Variants in PCED1B observed in about 807,000 individuals in gnomAD.
PCED1B encodes the protein PC-esterase domain containing 1B.
For missense variants in PCED1B, 573 were observed against 573.9 expected (o/e 1.00, Z 0.02); for synonymous variants, 251 against 246.1 (o/e 1.02, Z -0.19).
At chr12:47,202,209 G>C (rs1020332944) in intron 2 of PCED1B, among the ~76,000 whole-genome samples, 1 of 152,094 alleles carries the variant, frequency 6.6e-6, no homozygotes, top group African/African-American at 2.4e-5. Flanking sequence ...ATAATAGAAG[G>C]GTTAATATTT....
intron 2 of PCED1B, among the ~76,000 whole-genome samples, chr12:47,161,158 T>G (rs1941364630): frequency 2.0e-5 from 3 of 152,200 alleles, no homozygotes; most frequent in Admixed American, 1.3e-4. Flanking sequence ...TATAAATCAC[T>G]CAGTCTCAGT....
At chr12:47,231,385 C>T (rs1345793358) in intron 3 of PCED1B, among the ~76,000 whole-genome samples, 5 of 114,518 alleles carry the variant, frequency 4.4e-5, no homozygotes, top group East Asian at 2.6e-4. Context: ...AGGGGAGTCG[C>T]TAGGAGATAA....
rs140891738 is a variant in PCED1B, at chr12:47,121,946, C to A, written c.-526+17751C>A. 5.0e-3 allele frequency among the ~76,000 whole-genome samples: 759 copies of A among 150,458 alleles called. 6 individuals carry two copies. Among genetic ancestry groups the A allele is most frequent in the African/African-American group, 0.017 (691 of 40,892 alleles). ...ACTCGGGAGGCTGAGGCAGGAGAAT[C>A]GCTTAAACCTAGGGAGGTTGCAGTG... is the stretch of plus-strand genomic sequence containing the variant. On this transcript the variant is annotated intron_variant, in intron 2 of 3. Transcript: ENST00000546455.
intron 2 of PCED1B, among the ~76,000 whole-genome samples, chr12:47,192,169 T>G (rs902589238): frequency 2.0e-5 from 3 of 151,126 alleles, no homozygotes; most frequent in South Asian, 2.1e-4. Context: ...CGCTTTTTTT[T>G]TTTGTTTTTT....
At chr12:47,177,872 G>A (rs1565584737) in intron 2 of PCED1B, among the ~76,000 whole-genome samples, 1 of 152,078 alleles carries the variant, frequency 6.6e-6, no homozygotes, top group Admixed American at 6.5e-5. Context: ...GCTTGAACTC[G>A]GTAGGTGGAG....
chr12:47,180,977 T>G (rs1942074780), intron 2 of PCED1B, among the ~76,000 whole-genome samples: 1 of 142,518 alleles, frequency 7.0e-6, no homozygotes, highest in Non-Finnish European at 1.5e-5. Context: ...GAAGGTATTT[T>G]CAACTGTATT....
At chr12:47,105,360 CAG>C (rs938278834) in intron 2 of PCED1B, among the ~76,000 whole-genome samples, 7 of 152,038 alleles carry the variant, frequency 4.6e-5, no homozygotes, top group African/African-American at 1.2e-4. Flanking sequence ...TAAAGCTGCT[CAG>C]AGAGACACAG....
chr12:47,082,951 T>A (rs1018142707), intron 1 of PCED1B, among the ~76,000 whole-genome samples: 5 of 150,600 alleles, frequency 3.3e-5, no homozygotes, highest in Admixed American at 6.6e-5. Context: ...CAGTAATGAC[T>A]CCAAGGGATA....
At chr12:47,154,291 G>A (rs915010452) in intron 2 of PCED1B, among the ~76,000 whole-genome samples, 2 of 152,074 alleles carry the variant, frequency 1.3e-5, no homozygotes, top group African/African-American at 4.8e-5. Context: ...TCCCATAAGT[G>A]TACTCTATGA....
intron 2 of PCED1B, among the ~76,000 whole-genome samples, chr12:47,164,149 C>T (rs1331494740): frequency 1.3e-5 from 2 of 152,150 alleles, no homozygotes; most frequent in Non-Finnish European, 2.9e-5. Flanking sequence ...GCATTTTGTC[C>T]CATGCCCCAA....
chr12:47,231,508 G>A (rs780501160), intron 3 of PCED1B, among the ~76,000 whole-genome samples: 10 of 152,114 alleles, frequency 6.6e-5, no homozygotes, highest in Non-Finnish European at 1.5e-4. Flanking sequence ...TTATCTTCTC[G>A]TGTTGGTGCA....
intron 2 of PCED1B, among the ~76,000 whole-genome samples, chr12:47,166,566 G>A (rs374378234): frequency 3.7e-4 from 57 of 152,296 alleles, no homozygotes; most frequent in African/African-American, 1.3e-3. Context: ...ACTGGCCACC[G>A]TCTTGACAGT....
At chr12:47,103,616 G>A (rs907588047) in intron 1 of PCED1B, among the ~76,000 whole-genome samples, 1 of 49,828 alleles carries the variant, frequency 2.0e-5, no homozygotes, top group African/African-American at 6.2e-5. Context: ...AAAATGAACC[G>A]GTTGTTCTTG....
chr12:47,117,410 A>G (rs1372000362), intron 2 of PCED1B, among the ~76,000 whole-genome samples: 5 of 151,536 alleles, frequency 3.3e-5, no homozygotes, highest in African/African-American at 4.9e-5. Context: ...AAGTGTTCTC[A>G]TTGTTCAATT....
chr12:47,137,385 G>C (rs1940417684), intron 2 of PCED1B, among the ~76,000 whole-genome samples: 1 of 152,164 alleles, frequency 6.6e-6, no homozygotes, highest in African/African-American at 2.4e-5. Context: ...TAATTTATCT[G>C]TTATTGGAGA....
At chr12:47,231,929 T>A (rs1943820539) in intron 3 of PCED1B, among the ~76,000 whole-genome samples, 1 of 152,138 alleles carries the variant, frequency 6.6e-6, no homozygotes, top group African/African-American at 2.4e-5. Flanking sequence ...GAGACTTGAG[T>A]CTAGAGTGGG....
At chr12:47,205,502 G>A (rs1447310445) in intron 2 of PCED1B, among the ~76,000 whole-genome samples, 1 of 152,162 alleles carries the variant, frequency 6.6e-6, no homozygotes, top group Admixed American at 6.5e-5. Context: ...GCAAAGGGCT[G>A]TTACCGTCTT....
At chr12:47,128,549 A>G (rs557608754) in intron 2 of PCED1B, among the ~76,000 whole-genome samples, 5 of 152,362 alleles carry the variant, frequency 3.3e-5, no homozygotes, top group Non-Finnish European at 2.9e-5. Flanking sequence ...TACTGAAGTA[A>G]AATGGTAAAC....
chr12:47,230,086 CTTTT>C (rs368243759), intron 3 of PCED1B, among the ~76,000 whole-genome samples: 2 of 114,860 alleles, frequency 1.7e-5, no homozygotes, highest in African/African-American at 3.4e-5. Context: ...TAATCATTTT[CTTTT>C]TTTTTTTTTT....
Sources: allele counts gnomAD v4.1 joint callset (sites outside exome capture counted in the v4.1 genomes callset), GRCh38; gene constraint gnomAD v4.1.1; transcripts MANE v1.5; gene names NCBI Gene and HGNC (gene_info 2026-07-23, HGNC 2026-07-21).